Variants in ABRAXAS2 observed in about 807,000 individuals in gnomAD.
ABRAXAS2 encodes the protein BRISC complex subunit Abraxas 2.
Under a neutral mutation model 49.0 loss-of-function variants are expected in ABRAXAS2, and 23 were observed. That is an observed-to-expected ratio of 0.47 (90% CI 0.34 to 0.66). ABRAXAS2 has a LOEUF of 0.66. Ranked by LOEUF, ABRAXAS2 falls within the 30% of genes least tolerant of loss-of-function variation. The pLI is 0.01. For synonymous variants in ABRAXAS2, 168 were observed against 180.2 expected (o/e 0.93, Z 0.54); for missense variants, 443 against 511.9 (o/e 0.87, Z 1.30).
At chr10:124,813,927 A>T (rs552394027) in intron 2 of ABRAXAS2, among the ~76,000 whole-genome samples, 1 of 152,312 alleles carries the variant, frequency 6.6e-6, no homozygotes, top group Non-Finnish European at 1.5e-5. Flanking sequence ...TGCAACAAAG[A>T]TTCTGCATCC....
At chr10:124,831,557 C>A in intron 8 of ABRAXAS2, 94 bp downstream of exon 8, 1 of 654,004 alleles carries the variant, frequency 1.5e-6, no homozygotes, top group South Asian at 2.0e-5. Flanking sequence ...CCTCTTTCTA[C>A]GCTCATCCAG....
rs1213968051 is a variant in ABRAXAS2 at position 124,836,375 on chromosome 10, ATGGGGGTCTG to A, written c.*1406_*1415del. The stretch of plus-strand genomic sequence containing the variant: ...CTGCCGTTCTTTGGATCGCCACTCT[ATGGGGGTCTG>A]TCTTTTAACTACTCTCCTGGTTATG... On this transcript the variant is annotated 3_prime_UTR_variant, in exon 9 of 9. Transcript: ENST00000298492. The A allele has an allele frequency of 6.6e-6, 1 of 152,148 alleles. No homozygotes were observed. The highest frequency in any genetic ancestry group is 1.5e-5 in the Non-Finnish European group (1 of 68,038). The allele number at this position is 152,148 out of a possible 1,614,324, so 9.4% of individuals were successfully genotyped here.
intron 4 of ABRAXAS2, among the ~76,000 whole-genome samples, chr10:124,826,068 A>G (rs935453723): frequency 2.0e-5 from 3 of 152,224 alleles, no homozygotes; most frequent in Non-Finnish European, 4.4e-5. Context: ...TAAACTTTTA[A>G]AATAGATTTG....
At chr10:124,814,640 C>CTTTA (rs568229521) in intron 2 of ABRAXAS2, among the ~76,000 whole-genome samples, 208 of 149,242 alleles carry the variant, frequency 1.4e-3, no homozygotes, top group African/African-American at 4.4e-3. Flanking sequence ...TGCACCTGGC[C>CTTTA]TTTATTTATT....
chr10:124,811,775 T>G (rs539065332), intron 2 of ABRAXAS2, among the ~76,000 whole-genome samples: 1 of 127,204 alleles, frequency 7.9e-6, no homozygotes, highest in African/African-American at 2.5e-5. Context: ...ATTAATTTTG[T>G]TTTGTTTTGT....
chr10:124,817,230 A>T (rs1393663085), intron 3 of ABRAXAS2, among the ~76,000 whole-genome samples: 2 of 152,232 alleles, frequency 1.3e-5, no homozygotes, highest in Admixed American at 6.5e-5. Flanking sequence ...GAAACCGCAG[A>T]CAAGAGGGGG....
chr10:124,834,992 A>C lies in ABRAXAS2; in HGVS notation c.*21A>C. The C allele has an allele frequency of 1.4e-5, 22 of 1,532,146 alleles. No individual in the cohort carries two copies. Among genetic ancestry groups the C allele is most frequent in the African/African-American group, 2.8e-5 (2 of 72,142 alleles). 94.9% of individuals were successfully genotyped at this position (1,532,146 alleles called of 1,614,324 possible). A position where few individuals can be genotyped will look rare whatever the true frequency, so the allele number is the denominator to read the frequency against. On this transcript the variant is annotated 3_prime_UTR_variant, in exon 9 of 9. Coordinates refer to ENST00000298492, the MANE Select transcript of ABRAXAS2 (RefSeq NM_032182.4). ...TTTAACTAAACAAAAGAAACTCTCC[A>C]CCTAGCACTGTTTTTCTTCATTGCT...
At chr10:124,831,209 T>C (rs1396171706) in intron 7 of ABRAXAS2, 140 bp from the exon 8 acceptor site, 2 of 622,590 alleles carry the variant, frequency 3.2e-6, no homozygotes, top group Admixed American at 6.4e-5. Flanking sequence ...TGGGCTTTCA[T>C]GATTTTGTTC....
At chr10:124,823,905 G>A (rs879448894) in intron 4 of ABRAXAS2, among the ~76,000 whole-genome samples, 1 of 152,086 alleles carries the variant, frequency 6.6e-6, no homozygotes, top group Non-Finnish European at 1.5e-5. Context: ...AATGACAGGA[G>A]AATCTGTTTT....
chr10:124,820,205 G>A (rs1243345833), intron 4 of ABRAXAS2, among the ~76,000 whole-genome samples: 8 of 152,218 alleles, frequency 5.3e-5, no homozygotes, highest in African/African-American at 1.7e-4. Context: ...AATAGGAAGT[G>A]TGGAAGCATA....
rs1950912368 is a variant in ABRAXAS2 at position 124,828,709 on chromosome 10, TGATA to T, written c.459-44_459-41del. Reference sequence around the variant, plus strand: ...TTAGACTGTCAGTCTCACTTGAATATGATAGAATGGTACATTTAACATGATCTCT... The same window carrying T: ...TTAGACTGTCAGTCTCACTTGAATATGAATGGTACATTTAACATGATCTCT... On this transcript the variant is annotated intron_variant, in intron 5 of 8. Transcript: ENST00000298492. The T allele has an allele frequency of 1.9e-6, 3 of 1,584,500 alleles. No individual in the cohort carries two copies. In the African/African-American group the frequency reaches 4.0e-5, roughly 21 times the overall value.
At chr10:124,816,876 A>G (rs1950828016) in intron 3 of ABRAXAS2, among the ~76,000 whole-genome samples, 3 of 152,238 alleles carry the variant, frequency 2.0e-5, no homozygotes, top group Admixed American at 2.0e-4. Flanking sequence ...AAGTTAATCA[A>G]CATAAAATAA....
intron 2 of ABRAXAS2, among the ~76,000 whole-genome samples, chr10:124,813,544 A>G (rs1950804485): frequency 6.6e-6 from 1 of 152,216 alleles, no homozygotes; most frequent in Non-Finnish European, 1.5e-5. Context: ...GTTGAGGCAC[A>G]AGAAACTCTG....
intron 8 of ABRAXAS2, among the ~76,000 whole-genome samples, chr10:124,831,872 T>A (rs529294073): frequency 0.032 from 2,276 of 71,100 alleles, 43 homozygotes; most frequent in Middle Eastern, 0.12. Flanking sequence ...TTTTTTTTTT[T>A]AGACGGAATC....
chr10:124,816,443 G>T, intron 2 of ABRAXAS2, 133 bp from the exon 3 acceptor site: 1 of 639,148 alleles, frequency 1.6e-6, no homozygotes. Context: ...TGTACATGTA[G>T]CAACTGTTTG....
chr10:124,818,010 G>C (rs1391620838), intron 3 of ABRAXAS2, among the ~76,000 whole-genome samples: 1 of 152,168 alleles, frequency 6.6e-6, no homozygotes, highest in Non-Finnish European at 1.5e-5. Flanking sequence ...ACTGTCCAAA[G>C]CTTCTCTAGG....
intron 5 of ABRAXAS2, among the ~76,000 whole-genome samples, chr10:124,827,967 T>A (rs1950907254): frequency 6.6e-6 from 1 of 152,232 alleles, no homozygotes; most frequent in Non-Finnish European, 1.5e-5. Flanking sequence ...TGTCAGTCAC[T>A]GTGAGTATAC....
intron 1 of ABRAXAS2, among the ~76,000 whole-genome samples, chr10:124,806,180 C>T (rs1469965300): frequency 6.6e-6 from 1 of 151,806 alleles, no homozygotes; most frequent in Admixed American, 6.6e-5. Flanking sequence ...GTGGCGGGTG[C>T]CTGTAGTCCC....
chr10:124,826,496 C>T, intron 4 of ABRAXAS2, 99 bp from the exon 5 acceptor site: 2 of 1,232,138 alleles, frequency 1.6e-6, no homozygotes, highest in Non-Finnish European at 2.3e-6. Context: ...GGCTTTTGCA[C>T]ATAAAGCTAC....
Sources: gnomAD v4.1 joint callset for allele counts (sites outside exome capture counted in the v4.1 genomes callset) on GRCh38, gnomAD v4.1.1 for gene constraint, MANE v1.5 for transcripts, NCBI Gene and HGNC (gene_info 2026-07-23, HGNC 2026-07-21) for gene names.